EPHB1: variants seen among roughly 807,000 people sequenced by gnomAD.
EPHB1 encodes ephrin type-B receptor 1.
In EPHB1, 30 loss-of-function variants were observed where a neutral mutation model predicts 94.4. The ratio of observed to expected loss-of-function variants is 0.32; its 90% CI spans 0.24 to 0.43. The LOEUF (loss-of-function observed/expected upper bound fraction) is 0.43, where lower values mean the gene tolerates loss of function less well. Among genes scored for constraint, EPHB1 ranks in the 20% least tolerant of loss-of-function variants. EPHB1 has a pLI of 1.00. For missense variants in EPHB1, 1,055 were observed against 1,308.3 expected, an observed-to-expected ratio of 0.81 and a Z score of 2.99; for synonymous variants, 522 against 489.1, an observed-to-expected ratio of 1.07 and a Z score of -0.89.
chr3:134,844,836 G>T (rs2036840976), intron 1 of EPHB1, among the ~76,000 whole-genome samples: 1 of 152,134 alleles, frequency 6.6e-6, no homozygotes, highest in South Asian at 2.1e-4. Context: ...AAGAGAGTTT[G>T]CCTGCCTCCT....
intron 3 of EPHB1, among the ~76,000 whole-genome samples, chr3:135,017,361 A>T (rs1935836191): frequency 6.6e-6 from 1 of 152,230 alleles, no homozygotes; most frequent in Admixed American, 6.5e-5. Flanking sequence ...ATCCTAAAGT[A>T]ATTAAATGTG....
chr3:135,075,268 G>A (rs183916880), intron 3 of EPHB1, among the ~76,000 whole-genome samples: 1 of 152,244 alleles, frequency 6.6e-6, no homozygotes, highest in East Asian at 1.9e-4. Flanking sequence ...CTGCCCATCT[G>A]AGAATTCAGA....
At chr3:135,104,509 G>A (rs368235618) in intron 3 of EPHB1, among the ~76,000 whole-genome samples, 8 of 152,068 alleles carry the variant, frequency 5.3e-5, no homozygotes, top group African/African-American at 1.4e-4. Context: ...TACATGGTTC[G>A]CAACTGACAT....
intron 1 of EPHB1, among the ~76,000 whole-genome samples, chr3:134,910,713 GC>G (rs778698326): frequency 4.5e-4 from 69 of 152,184 alleles, no homozygotes; most frequent in Non-Finnish European, 5.0e-4. Flanking sequence ...CACTGGAGGG[GC>G]CTTGGGCATC....
At chr3:134,811,735 A>G (rs16842088) in intron 1 of EPHB1, among the ~76,000 whole-genome samples, 1,911 of 146,584 alleles carry the variant, frequency 0.013, 40 homozygotes, top group African/African-American at 0.05. Flanking sequence ...GCATGATCTA[A>G]ACACAATAAA....
chr3:134,902,356 A>G (rs1578183080), intron 1 of EPHB1, among the ~76,000 whole-genome samples: 1 of 152,192 alleles, frequency 6.6e-6, no homozygotes, highest in South Asian at 2.1e-4. Context: ...CACTGGCAGG[A>G]GGAAGGTGCC....
chr3:134,876,193 T>G (rs1482998860), intron 1 of EPHB1, among the ~76,000 whole-genome samples: 1 of 152,170 alleles, frequency 6.6e-6, no homozygotes, highest in African/African-American at 2.4e-5. Flanking sequence ...ACATCTAGGT[T>G]AAACTCACCA....
At position 134,923,879 on chromosome 3, in the gene EPHB1, G is replaced by A. The variant is rs572068115; in HGVS notation, c.59-1937G>A. Among the ~76,000 whole-genome samples, 25 of 152,250 alleles carry A rather than the reference G, an allele frequency of 1.6e-4. 1 individual carries two copies. Among genetic ancestry groups the A allele is most frequent in the African/African-American group, 6.0e-4 (25 of 41,542 alleles). ...TTATGGGAAGGGGAGGCAGTGGGAA[G>A]GACAAGGGGAGAAAAAAACCCAAAC... On this transcript the variant is annotated intron_variant, in intron 1 of 15. Transcript: ENST00000398015.
chr3:134,881,040 T>C (rs760201811), intron 1 of EPHB1, among the ~76,000 whole-genome samples: 3 of 152,074 alleles, frequency 2.0e-5, no homozygotes, highest in Non-Finnish European at 4.4e-5. Flanking sequence ...TAGAGGGGAC[T>C]TGGTCAAAAA....
chr3:134,854,068 T>C (rs767454606), intron 1 of EPHB1, among the ~76,000 whole-genome samples: 7 of 152,162 alleles, frequency 4.6e-5, no homozygotes, highest in Admixed American at 2.0e-4. Context: ...TGCCAAAATA[T>C]GGTGTTGTCC....
At chr3:134,797,430 G>A (rs975252563) in intron 1 of EPHB1, among the ~76,000 whole-genome samples, 1 of 152,192 alleles carries the variant, frequency 6.6e-6, no homozygotes, top group African/African-American at 2.4e-5. Context: ...GCAGCATTGG[G>A]GTGGCGTCAT....
At chr3:134,927,836 C>CAGAT (rs2038823479) in intron 2 of EPHB1, among the ~76,000 whole-genome samples, 1 of 152,232 alleles carries the variant, frequency 6.6e-6, no homozygotes. Context: ...AAGACACAGC[C>CAGAT]AGATCATTCT....
In EPHB1 at chr3:135,192,643, C is replaced by G; in HGVS notation, c.1950C>G (p.Ile650Met). Residue 650 changes from isoleucine (I) to methionine (M), a missense_variant, in exon 11 of 16, where the codon ATC becomes ATG. Ile to Met is a conservative substitution (Grantham distance 10, BLOSUM62 1). Transcript: ENST00000398015. ...LPGKREIYVA[I>M]KTLKAGYSEK... ...GCAAGAGGGAAATCTACGTGGCCAT[C>G]AAGACCCTGAAGGCAGGGTACTCGG... is the stretch of plus-strand genomic sequence containing the variant. 2 of 1,614,106 alleles carry G rather than the reference C, an allele frequency of 1.2e-6. No individual in the cohort carries two copies. The highest frequency in any genetic ancestry group is 1.3e-5 in the African/African-American group (1 of 75,026).
intron 2 of EPHB1, among the ~76,000 whole-genome samples, chr3:134,935,454 A>G (rs1560304354): frequency 6.6e-6 from 1 of 152,246 alleles, no homozygotes. Context: ...TATACTTTCA[A>G]TAGTATGAAG....
At chr3:134,814,538 G>T (rs1177941702) in intron 1 of EPHB1, among the ~76,000 whole-genome samples, 1 of 152,100 alleles carries the variant, frequency 6.6e-6, no homozygotes, top group African/African-American at 2.4e-5. Context: ...ACCTATTGAA[G>T]GTATAGTGGA....
At chr3:134,824,880 C>A (rs1200571071) in intron 1 of EPHB1, among the ~76,000 whole-genome samples, 2 of 152,156 alleles carry the variant, frequency 1.3e-5, no homozygotes, top group African/African-American at 2.4e-5. Context: ...TGTGAGTGGG[C>A]CATTTTGGCA....
At chr3:134,965,177 T>A (rs183769661) in intron 3 of EPHB1, among the ~76,000 whole-genome samples, 2 of 152,364 alleles carry the variant, frequency 1.3e-5, no homozygotes, top group East Asian at 3.9e-4. Context: ...AGCCCCATTC[T>A]TGATTACTCT....
intron 2 of EPHB1, among the ~76,000 whole-genome samples, chr3:134,932,963 G>A (rs1259998993): frequency 6.6e-6 from 1 of 152,190 alleles, no homozygotes; most frequent in African/African-American, 2.4e-5. Context: ...GGACCTGATC[G>A]CGGATTGCTG....
At chr3:135,132,673 C>G (rs568414990) in intron 4 of EPHB1, 41 bp from the exon 5 acceptor site, 1 of 1,511,716 alleles carries the variant, frequency 6.6e-7, no homozygotes, top group Non-Finnish European at 8.9e-7. Context: ...GACAAGGAAG[C>G]TTATGTCTAG....
Sources: gnomAD v4.1 joint callset for allele counts (sites outside exome capture counted in the v4.1 genomes callset) on GRCh38, gnomAD v4.1.1 for gene constraint, MANE v1.5 for transcripts, NCBI Gene and HGNC (gene_info 2026-07-23, HGNC 2026-07-21) for gene names.